Variants in ZNF680 observed in about 807,000 individuals in gnomAD.
ZNF680 encodes hypothetical protein FLJ90430.
In ZNF680, 6 loss-of-function variants were observed where a neutral mutation model predicts 12.1. The ratio of observed to expected loss-of-function variants is 0.49; its 90% CI spans 0.27 to 0.98. The LOEUF is 0.98. ZNF680 is among the 50% of genes least tolerant of loss of function. The pLI, the probability that ZNF680 is intolerant of heterozygous loss-of-function variation, is 0.12. For synonymous variants in ZNF680, 170 were observed against 199.3 expected, an observed-to-expected ratio of 0.85 and a Z score of 1.24; for missense variants, 561 against 616.3, an observed-to-expected ratio of 0.91 and a Z score of 0.95.
intron 1 of ZNF680, among the ~76,000 whole-genome samples, chr7:64,547,108 T>C (rs1282615987): frequency 6.6e-6 from 1 of 152,130 alleles, no homozygotes; most frequent in African/African-American, 2.4e-5. Context: ...CTAAGCATTG[T>C]CTCTCAAGCT....
chr7:64,513,411 T>G, the ZNF680 span, among the ~76,000 whole-genome samples: 1 of 151,912 alleles, frequency 6.6e-6, no homozygotes, highest in Non-Finnish European at 1.5e-5. Flanking sequence ...CAACTAAAAT[T>G]CAAAAGGATA....
At chr7:64,544,465 C>T in intron 1 of ZNF680, 33 bp from the exon 2 acceptor site, 2 of 1,586,098 alleles carry the variant, frequency 1.3e-6, no homozygotes, top group Non-Finnish European at 1.7e-6. Flanking sequence ...CACACACACA[C>T]ACACACTTAT....
At position 64,533,999 on chromosome 7, in the gene ZNF680, T is replaced by C. The variant is rs578041707; in HGVS notation, c.253+9708A>G. Among the ~76,000 whole-genome samples, 3 of 152,306 alleles carry C rather than the reference T, an allele frequency of 2.0e-5. No individual in the cohort carries two copies. The South Asian group carries it at 6.2e-4, about 32-fold the overall frequency. ...AAAACTGGATCTTTATCTCTCACCT[T>C]ATACAAAAATAAACTCAAGATAGAT... is the stretch of plus-strand genomic sequence containing the variant. On this transcript the variant is annotated intron_variant, in intron 3 of 3. Coordinates refer to ENST00000309683, the MANE Select transcript of ZNF680 (RefSeq NM_178558.5).
intron 1 of ZNF680, among the ~76,000 whole-genome samples, chr7:64,556,851 A>C (rs1179133134): frequency 6.6e-6 from 1 of 152,220 alleles, no homozygotes; most frequent in East Asian, 1.9e-4. Context: ...AAAGCAAACT[A>C]TCAATAGAGT....
Position 64,521,616 on chromosome 7 carries a change from A to G in ZNF680, c.1138T>C (p.Cys380Arg). ...ATAAAAGCTTTGCCGCATTCTTCAC[A>G]TTTGTAGGATTTCTCTCCAGTATGA... ...KIHTGEKSYK[C>R]EECGKAFIQS... The change falls in exon 4 of 4, where the codon TGT (cysteine) becomes CGT (arginine). Residue 380 changes from cysteine to arginine, a missense_variant. Cys to Arg is a radical substitution (Grantham distance 180). Transcript: ENST00000309683. The G allele has an allele frequency of 6.2e-7, 1 of 1,612,256 alleles. No individual in the cohort carries two copies. Among genetic ancestry groups the G allele is most frequent in the Non-Finnish European group, 8.5e-7 (1 of 1,179,668 alleles).
chr7:64,517,007 A>G (rs1791369151), downstream of ZNF680, among the ~76,000 whole-genome samples: 2 of 152,248 alleles, frequency 1.3e-5, no homozygotes, highest in African/African-American at 4.8e-5. Context: ...GTCTACATCA[A>G]AAAGTCTGAA....
At position 64,561,948 on chromosome 7, in the gene ZNF680, A is replaced by T. The variant is rs1452001700; in HGVS notation, c.30+977T>A. Among the ~76,000 whole-genome samples, 11 of 141,974 alleles carry T rather than the reference A, an allele frequency of 7.7e-5. 1 individual carries two copies. The East Asian group carries it at 1.6e-3, about 21-fold the overall frequency. 93.1% of individuals were successfully genotyped at this position (141,974 alleles called of 152,430 possible). On this transcript the variant is annotated intron_variant, in intron 1 of 3. Transcript: ENST00000309683. ...AGACTCCGTCTCAAAAAAAAAAAAAATTTACATTAGGCACAGTGGCTCACG... is the reference window on the plus strand; with the variant it reads ...AGACTCCGTCTCAAAAAAAAAAAAATTTTACATTAGGCACAGTGGCTCACG...
Position 64,544,169 on chromosome 7 carries a change from A to C in ZNF680, c.157+137T>G, listed in dbSNP as rs1786655182. ...ACTGAAGGAATTTTTTTCTACATGGACAAAGCTCAAAGATTTTCTTGAAAA... is the reference window on the plus strand; with the variant it reads ...ACTGAAGGAATTTTTTTCTACATGGCCAAAGCTCAAAGATTTTCTTGAAAA... On this transcript the variant is annotated intron_variant, in intron 2 of 3. Coordinates refer to ENST00000309683, the MANE Select transcript of ZNF680 (RefSeq NM_178558.5). 3.0e-6 allele frequency: 4 copies of C among 1,331,830 alleles called. No homozygotes were observed. In the Admixed American group the frequency reaches 9.5e-5, roughly 32 times the overall value. 82.5% of individuals were successfully genotyped at this position (1,331,830 alleles called of 1,614,324 possible). A position where few individuals can be genotyped will look rare whatever the true frequency, so the allele number is the denominator to read the frequency against.
chr7:64,499,730 C>T, the ZNF680 span, among the ~76,000 whole-genome samples: 4 of 152,112 alleles, frequency 2.6e-5, no homozygotes, highest in Non-Finnish European at 4.4e-5. Context: ...GGTGACACAG[C>T]GAGACTCCGT....
chr7:64,562,941 G>C lies in ZNF680; in HGVS notation c.14C>G (p.Pro5Arg). Residue 5 changes from proline (P) to arginine (R), a missense_variant, in exon 1 of 4, where the codon CCT becomes CGT. Pro to Arg is a moderately radical substitution (Grantham distance 103). Coordinates refer to ENST00000309683, the MANE Select transcript of ZNF680 (RefSeq NM_178558.5). MPGP[P>R]GSLEMGPLTF... ...CACTCTCACCATTTCTAGGCTTCCA[G>C]GTGGTCCTGGCATCTTAGCTGTGCA... The C allele has an allele frequency of 6.2e-7, 1 of 1,613,864 alleles. No homozygotes were observed. The highest frequency in any genetic ancestry group is 8.5e-7 in the Non-Finnish European group (1 of 1,179,798).
chr7:64,507,347 T>C, the ZNF680 span, among the ~76,000 whole-genome samples: 2 of 152,090 alleles, frequency 1.3e-5, no homozygotes, highest in African/African-American at 2.4e-5. Flanking sequence ...ATAGGGTAAA[T>C]AGGTTTTGAG....
intron 3 of ZNF680, among the ~76,000 whole-genome samples, chr7:64,534,441 G>A (rs1485764134): frequency 6.6e-6 from 1 of 152,184 alleles, no homozygotes; most frequent in Non-Finnish European, 1.5e-5. Flanking sequence ...TCAGGGAAAT[G>A]CATATCAAAA....
chr7:64,515,554 G>A (rs1287483166), downstream of ZNF680, among the ~76,000 whole-genome samples: 1 of 151,862 alleles, frequency 6.6e-6, no homozygotes. Flanking sequence ...CCCATATAAT[G>A]TAAAATGCAG....
chr7:64,550,059 T>A (rs1405677040), intron 1 of ZNF680, among the ~76,000 whole-genome samples: 1 of 152,172 alleles, frequency 6.6e-6, no homozygotes, highest in Non-Finnish European at 1.5e-5. Flanking sequence ...TTGAGGATTG[T>A]TAACTTGAGA....
intron 1 of ZNF680, among the ~76,000 whole-genome samples, chr7:64,557,328 AG>A (rs889617453): frequency 3.8e-4 from 57 of 151,830 alleles, no homozygotes; most frequent in African/African-American, 1.3e-3. Flanking sequence ...AGGCTGAGGC[AG>A]GCAGATCACA....
At chr7:64,502,749 TCA>T in the ZNF680 span, among the ~76,000 whole-genome samples, 2 of 151,624 alleles carry the variant, frequency 1.3e-5, no homozygotes, top group African/African-American at 4.8e-5. Context: ...TATTCTCCTC[TCA>T]GTTTTGATTC....
Position 64,522,577 on chromosome 7 carries a change from A to G in ZNF680, c.254-77T>C. 2 of 1,128,286 alleles carry G rather than the reference A, an allele frequency of 1.8e-6. 1 individual carries two copies. Among genetic ancestry groups the G allele is most frequent in the East Asian group, 5.9e-5 (2 of 33,670 alleles). 69.9% of individuals were successfully genotyped at this position (1,128,286 alleles called of 1,614,324 possible). A position where few individuals can be genotyped will look rare whatever the true frequency, so the allele number is the denominator to read the frequency against. ...ATATTTTACATATCAAATTTATAAA[A>G]TTACACAAACTACATAAGCAAAATA... On this transcript the variant is annotated intron_variant, in intron 3 of 3. Transcript: ENST00000309683.
chr7:64,546,797 C>A (rs1214437692), intron 1 of ZNF680, among the ~76,000 whole-genome samples: 1 of 152,084 alleles, frequency 6.6e-6, no homozygotes, highest in Non-Finnish European at 1.5e-5. Context: ...GGCACAGACA[C>A]CAGCAATTTC....
chr7:64,529,280 A>G (rs1785736060), intron 3 of ZNF680, among the ~76,000 whole-genome samples: 1 of 152,236 alleles, frequency 6.6e-6, no homozygotes, highest in Admixed American at 6.5e-5. Flanking sequence ...TTATCACACT[A>G]GCTAACCAGC....
Sources: allele counts gnomAD v4.1 joint callset (sites outside exome capture counted in the v4.1 genomes callset), GRCh38; gene constraint gnomAD v4.1.1; transcripts MANE v1.5; gene names NCBI Gene and HGNC (gene_info 2026-07-23, HGNC 2026-07-21).